Variants in ZNF804A observed in about 807,000 individuals in gnomAD.
The protein encoded by ZNF804A is zinc finger protein 804A.
In ZNF804A, 2 loss-of-function variants were observed where a neutral mutation model predicts 16.5. The ratio of observed to expected loss-of-function variants is 0.12; its 90% CI spans 0.05 to 0.38. The LOEUF is 0.38. Ranked by LOEUF, ZNF804A falls within the 10% of genes least tolerant of loss-of-function variation. The pLI is 0.99. For missense variants in ZNF804A, 1,473 were observed against 1,390.7 expected (o/e 1.06, Z -0.94); for synonymous variants, 534 against 489.6 (o/e 1.09, Z -1.20).
chr2:184,820,025 T>G (rs1695047385), intron 1 of ZNF804A, among the ~76,000 whole-genome samples: 1 of 151,858 alleles, frequency 6.6e-6, no homozygotes, highest in Admixed American at 6.6e-5. Flanking sequence ...TTGAAACTAT[T>G]CCAAAAATTA....
intron 1 of ZNF804A, among the ~76,000 whole-genome samples, chr2:184,855,067 A>G (rs890457479): frequency 6.6e-5 from 10 of 152,086 alleles, no homozygotes; most frequent in African/African-American, 2.4e-4. Flanking sequence ...GACTGTAATA[A>G]ACCAAATCTA....
chr2:184,736,072 A>G (rs1693601704), intron 1 of ZNF804A, among the ~76,000 whole-genome samples: 1 of 152,180 alleles, frequency 6.6e-6, no homozygotes, highest in East Asian at 1.9e-4. Context: ...AAGACATTTC[A>G]TAGTCTTTCC....
intron 1 of ZNF804A, among the ~76,000 whole-genome samples, chr2:184,645,882 T>C (rs1691862487): frequency 6.6e-6 from 1 of 152,128 alleles, no homozygotes; most frequent in Non-Finnish European, 1.5e-5. Context: ...TAAAAGTAAG[T>C]GAAGCCCCAA....
intron 1 of ZNF804A, among the ~76,000 whole-genome samples, chr2:184,708,918 C>G (rs1221152869): frequency 2.6e-5 from 4 of 152,054 alleles, no homozygotes; most frequent in Non-Finnish European, 1.5e-5. Flanking sequence ...CTACTGTAGT[C>G]CCATCTCCCA....
intron 1 of ZNF804A, among the ~76,000 whole-genome samples, chr2:184,639,345 A>G (rs1691755522): frequency 6.6e-6 from 1 of 151,856 alleles, no homozygotes; most frequent in South Asian, 2.1e-4. Context: ...AAGTGTTGAG[A>G]TTACAGGTAT....
In ZNF804A at chr2:184,938,875, A is replaced by G; in HGVS notation, c.3479A>G (p.Gln1160Arg). ...PVGPRLCPGN[Q>R]PTFVAPPQMP... ...GGACCGAGGCTTTGTCCTGGGAACC[A>G]GCCAACTTTTGTTGCTCCTCCTCAG... is the stretch of plus-strand genomic sequence containing the variant. Residue 1160 changes from glutamine to arginine, a missense_variant, in exon 4 of 4, where the codon CAG becomes CGG. Physicochemically the swap from Gln to Arg is conservative, Grantham distance 43. Coordinates refer to ENST00000302277, the MANE Select transcript of ZNF804A (RefSeq NM_194250.2). 6.2e-7 allele frequency: 1 copy of G among 1,614,032 alleles called. No homozygotes were observed. The highest frequency in any genetic ancestry group is 8.5e-7 in the Non-Finnish European group (1 of 1,179,994).
chr2:184,809,370 A>G (rs1169565555), intron 1 of ZNF804A, among the ~76,000 whole-genome samples: 1 of 151,894 alleles, frequency 6.6e-6, no homozygotes, highest in Non-Finnish European at 1.5e-5. Flanking sequence ...TGTACTTAAT[A>G]TTTCCTGATA....
chr2:184,698,479 C>T (rs932880772), intron 1 of ZNF804A, among the ~76,000 whole-genome samples: 1 of 151,972 alleles, frequency 6.6e-6, no homozygotes, highest in Non-Finnish European at 1.5e-5. Flanking sequence ...TAATTTATTC[C>T]GCCTTAACCT....
intron 1 of ZNF804A, among the ~76,000 whole-genome samples, chr2:184,769,659 ATT>A (rs1221876456): frequency 6.6e-6 from 1 of 152,096 alleles, no homozygotes; most frequent in Non-Finnish European, 1.5e-5. Flanking sequence ...ATCCAATGAC[ATT>A]TACCAGAAAG....
chr2:184,634,099 C>T (rs1447966250), intron 1 of ZNF804A, among the ~76,000 whole-genome samples: 1 of 152,106 alleles, frequency 6.6e-6, no homozygotes, highest in African/African-American at 2.4e-5. Flanking sequence ...TTCCCAGGTT[C>T]ACAAATTATT....
At chr2:184,761,848 T>C (rs1364082108) in intron 1 of ZNF804A, among the ~76,000 whole-genome samples, 1 of 152,152 alleles carries the variant, frequency 6.6e-6, no homozygotes, top group Non-Finnish European at 1.5e-5. Context: ...TTAGGATGTA[T>C]GGATCTGGCA....
chr2:184,660,993 T>A (rs1692167729), intron 1 of ZNF804A, among the ~76,000 whole-genome samples: 1 of 152,212 alleles, frequency 6.6e-6, no homozygotes, highest in African/African-American at 2.4e-5. Context: ...AACTAATATG[T>A]TTTTCTAAAA....
chr2:184,902,687 T>A (rs1425638275), intron 2 of ZNF804A: 1 of 152,156 alleles, frequency 6.6e-6, no homozygotes, highest in Non-Finnish European at 1.5e-5. Flanking sequence ...GGTCTCAAGT[T>A]CTGGTTGAGT....
At chr2:184,665,796 T>C (rs901419337) in intron 1 of ZNF804A, among the ~76,000 whole-genome samples, 2 of 152,202 alleles carry the variant, frequency 1.3e-5, no homozygotes, top group African/African-American at 4.8e-5. Flanking sequence ...CTGCATTTTT[T>C]TTTCTCCTGA....
At position 184,933,700 on chromosome 2, in the gene ZNF804A, A is replaced by G. The variant is rs1685740966; in HGVS notation, c.353A>G (p.His118Arg). 1 of 1,607,886 alleles carries G rather than the reference A, an allele frequency of 6.2e-7. No individual in the cohort carries two copies. The highest frequency in any genetic ancestry group is 8.5e-7 in the Non-Finnish European group (1 of 1,178,142). Residue 118 changes from histidine (H) to arginine (R), a missense_variant, in exon 3 of 4, where the codon CAC becomes CGC. Physicochemically the swap from His to Arg is conservative, Grantham distance 29. Transcript: ENST00000302277. ...RKQEKALQRL[H>R]KLAELRKETV... ...CAGGAAAAGGCACTCCAACGCCTGC[A>G]CAAGCTGGCTGAGCTAAGAAAGGAA...
At chr2:184,872,550 A>G (rs1292936299) in intron 2 of ZNF804A, among the ~76,000 whole-genome samples, 10 of 152,208 alleles carry the variant, frequency 6.6e-5, no homozygotes, top group Admixed American at 6.5e-4. Context: ...CCTAAATGAT[A>G]AACCTAAAAA....
chr2:184,820,782 A>G (rs1254002933), intron 1 of ZNF804A, among the ~76,000 whole-genome samples: 1 of 152,024 alleles, frequency 6.6e-6, no homozygotes, highest in African/African-American at 2.4e-5. Flanking sequence ...ACAGGCAAGT[A>G]GGGAACCAAA....
intron 1 of ZNF804A, among the ~76,000 whole-genome samples, chr2:184,777,674 A>T (rs1226660337): frequency 2.0e-5 from 3 of 151,712 alleles, no homozygotes; most frequent in Non-Finnish European, 2.9e-5. Flanking sequence ...ATCAAGTTTT[A>T]AAAAATCCTT....
intron 1 of ZNF804A, among the ~76,000 whole-genome samples, chr2:184,857,010 T>A (rs1403151643): frequency 6.6e-6 from 1 of 152,154 alleles, no homozygotes; most frequent in Non-Finnish European, 1.5e-5. Flanking sequence ...TCGTTCCTTC[T>A]GCTAACTTTG....
Sources: allele counts gnomAD v4.1 joint callset (sites outside exome capture counted in the v4.1 genomes callset), GRCh38; gene constraint gnomAD v4.1.1; transcripts MANE v1.5; gene names NCBI Gene and HGNC (gene_info 2026-07-23, HGNC 2026-07-21).